GPR160: variants seen among roughly 807,000 people sequenced by gnomAD.
GPR160 encodes the protein probable G protein-coupled receptor 160.
GPR160 carries 2 observed loss-of-function variants against 2.6 expected under a neutral mutation model. That is an observed-to-expected ratio of 0.77 (90% CI 0.32 to 2.44). The LOEUF (loss-of-function observed/expected upper bound fraction) is 2.44. Ranked by LOEUF, GPR160 falls within the 30% of genes most tolerant of loss-of-function variation. The pLI, the probability that GPR160 is intolerant of heterozygous loss-of-function variation, is 0.11. For missense variants in GPR160, 351 were observed against 383.6 expected (o/e 0.91, Z 0.71); for synonymous variants, 130 against 132.2 (o/e 0.98, Z 0.12).
intron 2 of GPR160, chr3:170,062,751 C>T: frequency 1.0e-6 from 1 of 990,650 alleles, no homozygotes; most frequent in South Asian, 1.3e-5. Context: ...CTACCCTGTC[C>T]CAAGGAGCTC....
chr3:170,065,214 A>ATTTCCTCTCTAAACTTTTTTGT (rs1330169065), intron 2 of GPR160, among the ~76,000 whole-genome samples: 1 of 152,206 alleles, frequency 6.6e-6, no homozygotes, highest in Non-Finnish European at 1.5e-5. Context: ...TTACAATTAC[A>ATTTCCTCTCTAAACTTTTTTGT]TTTCCTTTCT....
intron 2 of GPR160, among the ~76,000 whole-genome samples, chr3:170,075,397 C>A (rs2108343533): frequency 6.6e-6 from 1 of 152,162 alleles, no homozygotes; most frequent in East Asian, 1.9e-4. Flanking sequence ...ATAATACATC[C>A]TGTTAAAAAA....
rs1205760400 is a variant in GPR160, at chr3:170,084,451, T to G, written c.479T>G (p.Ile160Ser). ...VLAYVLGDPA[I>S]YQSLKAQNAY... ...GCTTATGTTTTGGGAGACCCAGCCA[T>G]CTACCAAAGCCTGAAGGCACAGAAT... Residue 160 changes from isoleucine (I) to serine (S), a missense_variant, in exon 4 of 4, where the codon ATC becomes AGC. By Grantham distance (142) the Ile-to-Ser change is moderately radical. Transcript: ENST00000355897. The G allele has an allele frequency of 6.2e-7, 1 of 1,613,320 alleles. No homozygotes were observed. Among genetic ancestry groups the G allele is most frequent in the Admixed American group, 1.7e-5 (1 of 60,002 alleles).
intron 2 of GPR160, among the ~76,000 whole-genome samples, chr3:170,063,872 C>A (rs1423343448): frequency 2.0e-5 from 3 of 152,204 alleles, no homozygotes; most frequent in Admixed American, 2.0e-4. Flanking sequence ...TTTCCTCTTC[C>A]ACCCGCTGCG....
At chr3:170,044,305 G>A (rs1716597877) in intron 2 of GPR160, among the ~76,000 whole-genome samples, 1 of 105,902 alleles carries the variant, frequency 9.4e-6, no homozygotes, top group Admixed American at 1.4e-4. Context: ...GCCTGGGGAA[G>A]AAGAGCGAAA....
intron 2 of GPR160, among the ~76,000 whole-genome samples, chr3:170,063,784 T>C (rs907722699): frequency 4.6e-5 from 7 of 152,100 alleles, no homozygotes; most frequent in Non-Finnish European, 8.8e-5. Context: ...TTTTAAAAGA[T>C]TGGGCAGTAA....
At position 170,084,675 on chromosome 3, in the gene GPR160, A is replaced by C. The variant is rs750880925; in HGVS notation, c.703A>C (p.Arg235=). The C allele has an allele frequency of 6.2e-7, 1 of 1,611,022 alleles. No individual in the cohort carries two copies. The highest frequency in any genetic ancestry group is 1.3e-5 in the African/African-American group (1 of 74,998). Residue 235 remains arginine (R), a synonymous_variant, in exon 4 of 4, where the codon AGA becomes CGA. Coordinates refer to ENST00000355897, the MANE Select transcript of GPR160 (RefSeq NM_014373.3). ...TTCATCCCACTCCAGTTATACTGTG[A>C]GATCTAAAAAAATATTCTTATCCAA... ...PFSSHSSYTV[R]SKKIFLSKLI...
At chr3:170,075,376 T>G (rs1201845402) in intron 2 of GPR160, among the ~76,000 whole-genome samples, 1 of 152,222 alleles carries the variant, frequency 6.6e-6, no homozygotes, top group Non-Finnish European at 1.5e-5. Context: ...GTCTTTTTTC[T>G]GATAATATAA....
intron 2 of GPR160, among the ~76,000 whole-genome samples, chr3:170,061,692 C>T (rs1166925873): frequency 6.6e-6 from 1 of 151,950 alleles, no homozygotes; most frequent in Non-Finnish European, 1.5e-5. Context: ...GGTATATTTC[C>T]ATCTCATCTA....
In GPR160 at chr3:170,084,491, C is replaced by T. The variant is rs1559995616; in HGVS notation, c.519C>T (p.His173=). ...SLKAQNAYSR[H]CPFYVSIQSY... is the part of the protein sequence containing the mutation. ...AGGCACAGAATGCTTATTCTCGTCA[C>T]TGTCCTTTCTATGTCAGCATTCAGA... The change falls in exon 4 of 4, where the codon CAC becomes CAT. Residue 173 remains histidine (H), a synonymous_variant. Transcript: ENST00000355897. 1.2e-6 allele frequency: 2 copies of T among 1,613,534 alleles called. No homozygotes were observed. Among genetic ancestry groups the T allele is most frequent in the Non-Finnish European group, 1.7e-6 (2 of 1,179,610 alleles).
chr3:170,071,242 G>A (rs1220897240), intron 2 of GPR160, among the ~76,000 whole-genome samples: 2 of 152,158 alleles, frequency 1.3e-5, no homozygotes, highest in African/African-American at 4.8e-5. Context: ...TGGATCATGG[G>A]GGCAGATCCC....
At chr3:170,049,409 T>C (rs1484134151) in intron 2 of GPR160, among the ~76,000 whole-genome samples, 3 of 152,220 alleles carry the variant, frequency 2.0e-5, no homozygotes, top group East Asian at 3.8e-4. Context: ...ATTATAAGTA[T>C]GCCAAAGTGA....
chr3:170,058,385 C>A (rs558578769), intron 2 of GPR160, among the ~76,000 whole-genome samples: 1 of 152,248 alleles, frequency 6.6e-6, no homozygotes, highest in Admixed American at 6.5e-5. Flanking sequence ...TCTGCTCACG[C>A]CCCACCGGCC....
intron 2 of GPR160, among the ~76,000 whole-genome samples, chr3:170,066,130 CTTTTTTTTT>C (rs768660597): frequency 6.3e-4 from 54 of 85,206 alleles, no homozygotes; most frequent in African/African-American, 2.1e-3. Flanking sequence ...TTTTCTTTTT[CTTTTTTTTT>C]TTTTTTTTTT....
chr3:170,058,599 C>A (rs867809948), intron 2 of GPR160, among the ~76,000 whole-genome samples: 9 of 152,250 alleles, frequency 5.9e-5, no homozygotes, highest in Middle Eastern at 3.4e-3. Context: ...AACCGTCATT[C>A]AAAAATGATG....
At position 170,084,874 on chromosome 3, in the gene GPR160, T is replaced by TA. The variant is rs759842450; in HGVS notation, c.906dup (p.Asp303ArgfsTer23). The TA allele has an allele frequency of 6.2e-7, 1 of 1,608,152 alleles. No individual in the cohort carries two copies. The highest frequency in any genetic ancestry group is 8.5e-7 in the Non-Finnish European group (1 of 1,174,914). ...TGGTTTAATTGTCACAAGCTTAATT[T>TA]AAAAGACATTGGATTACCTTTGGAT... On this transcript the variant is annotated frameshift_variant, in exon 4 of 4. Transcript: ENST00000355897. LOFTEE classifies it high-confidence loss of function.
chr3:170,081,844 C>T (rs919804841), intron 3 of GPR160, among the ~76,000 whole-genome samples: 6 of 152,126 alleles, frequency 3.9e-5, no homozygotes, highest in Admixed American at 2.0e-4. Flanking sequence ...TCTGTTCCTG[C>T]GTTAGTTTGC....
intron 2 of GPR160, among the ~76,000 whole-genome samples, chr3:170,076,328 C>G (rs1712847415): frequency 6.6e-6 from 1 of 151,980 alleles, no homozygotes; most frequent in Non-Finnish European, 1.5e-5. Context: ...TGGATGAATG[C>G]AAAACATTAT....
chr3:170,078,937 C>T (rs1393438475), intron 2 of GPR160, among the ~76,000 whole-genome samples: 1 of 152,194 alleles, frequency 6.6e-6, no homozygotes, highest in Non-Finnish European at 1.5e-5. Flanking sequence ...CTGAAGGCAG[C>T]TGTTTTCTGA....
Sources: allele counts gnomAD v4.1 joint callset (sites outside exome capture counted in the v4.1 genomes callset), GRCh38; gene constraint gnomAD v4.1.1; transcripts MANE v1.5; gene names NCBI Gene and HGNC (gene_info 2026-07-23, HGNC 2026-07-21).